The following CCDC74B variants were observed in gnomAD, a reference collection of about 807,000 sequenced individuals.
CCDC74B encodes the protein coiled-coil domain containing 74B, also known as coiled-coil domain-containing protein 74B.
A neutral mutation model predicts 38.0 loss-of-function variants in CCDC74B; 34 were observed. The observed-to-expected ratio is 0.89, with a 90% CI of 0.68 to 1.19. The LOEUF is 1.19. Among genes scored for constraint, CCDC74B ranks in the 50% most tolerant of loss-of-function variants. The pLI, the probability that CCDC74B is intolerant of heterozygous loss-of-function variation, is 0.00. For missense variants in CCDC74B, 358 were observed against 406.0 expected (o/e 0.88, Z 1.02); for synonymous variants, 132 against 170.4 (o/e 0.77, Z 1.76).
Position 130,143,428 on chromosome 2 carries a change from G to A in CCDC74B, c.251-115C>T, listed in dbSNP as rs923577436. The A allele has an allele frequency of 2.0e-5, 27 of 1,341,558 alleles. No individual in the cohort carries two copies. In the African/African-American group the frequency reaches 2.5e-4, roughly 12 times the overall value. The allele number at this position is 1,341,558 out of a possible 1,614,324, so 83.1% of individuals were successfully genotyped here. A position where few individuals can be genotyped will look rare whatever the true frequency, so the allele number is the denominator to read the frequency against. ...GCCCGAAAGTCCTGCCCCCCCACTG[G>A]CTGATTGGGCCCTGCCCCATGGATC... is the stretch of plus-strand genomic sequence containing the variant. On this transcript the variant is annotated intron_variant, in intron 1 of 7. Transcript: ENST00000409943.
rs1262604603 is a variant in CCDC74B, at chr2:130,139,375, A to T, written c.*180T>A. 1.3e-6 allele frequency: 1 copy of T among 770,244 alleles called. No homozygotes were observed. Among genetic ancestry groups the T allele is most frequent in the Non-Finnish European group, 2.0e-6 (1 of 489,674 alleles). The allele number at this position is 770,244 out of a possible 1,614,324, so 47.7% of individuals were successfully genotyped here. On this transcript the variant is annotated 3_prime_UTR_variant, in exon 8 of 8. Coordinates refer to ENST00000409943, the MANE Select transcript of CCDC74B (RefSeq NM_001258307.2). ...CTTTTATGTAAATGCCAAATAGCAA[A>T]ATAACAGCTAGAAAATAAACAGTTT...
chr2:130,142,102 C>G (rs1423531130), intron 3 of CCDC74B, 31 bp downstream of exon 3: 2 of 1,607,454 alleles, frequency 1.2e-6, no homozygotes, highest in Non-Finnish European at 1.7e-6. Context: ...GGCACTCACC[C>G]CTGTGAGCAC....
intron 6 of CCDC74B, 29 bp downstream of exon 6, chr2:130,139,994 G>T (rs1174280444): frequency 6.2e-7 from 1 of 1,600,508 alleles, no homozygotes; most frequent in Non-Finnish European, 8.5e-7. Context: ...GGCCCCCAGG[G>T]ATGGGGCAGG....
intron 1 of CCDC74B, 199 bp downstream of exon 1, chr2:130,144,548 C>A: frequency 6.5e-7 from 1 of 1,550,348 alleles, no homozygotes; most frequent in Non-Finnish European, 8.7e-7. Context: ...CAGACAGGTT[C>A]GGCACTGCCC....
intron 3 of CCDC74B, chr2:130,141,654 G>T: frequency 2.5e-6 from 1 of 395,854 alleles, no homozygotes; most frequent in Non-Finnish European, 4.5e-6. Flanking sequence ...AATGGTGAGG[G>T]TTAGGGCTGG....
intron 1 of CCDC74B, chr2:130,144,232 C>T (rs1387299895): frequency 7.8e-5 from 29 of 372,056 alleles, no homozygotes; most frequent in Non-Finnish European, 9.4e-5. Flanking sequence ...CTCCGCCTCC[C>T]GGGTTCACGC....
At position 130,140,290 on chromosome 2, in the gene CCDC74B, C is replaced by T. The variant is rs145115485; in HGVS notation, c.567G>A (p.Ala189=). The T allele has an allele frequency of 5.0e-5, 80 of 1,613,072 alleles. No homozygotes were observed. Among genetic ancestry groups the T allele is most frequent in the African/African-American group, 2.7e-4 (20 of 75,016 alleles). ...GGGGCAGGATCATTGGGGGGTGTGC[C>T]GCCGCCCCCATCTGCCTGCCCTGGT... ...SQHQGRQMGA[A]AHPPMILPLP... is the part of the protein sequence containing the mutation. Residue 189 remains alanine (A), a synonymous_variant, in exon 5 of 8, where the codon GCG becomes GCA. Coordinates refer to ENST00000409943, the MANE Select transcript of CCDC74B (RefSeq NM_001258307.2).
chr2:130,142,040 G>A, intron 3 of CCDC74B, 93 bp downstream of exon 3: 14 of 1,558,522 alleles, frequency 9.0e-6, no homozygotes, highest in Non-Finnish European at 1.1e-5. Flanking sequence ...TGGCCCAGCA[G>A]AGGGTACCTG....
intron 1 of CCDC74B, among the ~76,000 whole-genome samples, chr2:130,143,790 G>C (rs139241939): frequency 0.03 from 4,578 of 152,088 alleles, 73 homozygotes; most frequent in African/African-American, 0.045. Context: ...TAAGGCAGCA[G>C]CAGGGAACGG....
At chr2:130,144,150 T>G (rs867345504) in intron 1 of CCDC74B, among the ~76,000 whole-genome samples, 19 of 152,020 alleles carry the variant, frequency 1.2e-4, no homozygotes, top group African/African-American at 4.1e-4. Flanking sequence ...TTTGTTTTTG[T>G]TTTTTTTGAG....
intron 1 of CCDC74B, chr2:130,144,329 C>T (rs1375649684): frequency 6.3e-6 from 4 of 632,934 alleles, no homozygotes; most frequent in Non-Finnish European, 1.1e-5. Flanking sequence ...TTAGTAGAGA[C>T]GGGGTTTCAC....
Position 130,139,961 on chromosome 2 carries a change from G to C in CCDC74B, c.753-14C>G. On this transcript the variant is annotated splice_polypyrimidine_tract_variant and intron_variant, in intron 6 of 7. Coordinates refer to ENST00000409943, the MANE Select transcript of CCDC74B (RefSeq NM_001258307.2). ...GCTTCTTGGTCCCTGGGTGAAGGAA[G>C]AGTCAGCAGTGAGCTGTGGATAGGC... is the stretch of plus-strand genomic sequence containing the variant. The C allele has an allele frequency of 6.2e-7, 1 of 1,610,132 alleles. No homozygotes were observed. The highest frequency in any genetic ancestry group is 8.5e-7 in the Non-Finnish European group (1 of 1,178,230).
chr2:130,141,896 T>C (rs931854542), intron 3 of CCDC74B: 15 of 892,840 alleles, frequency 1.7e-5, no homozygotes, highest in Non-Finnish European at 2.5e-5. Flanking sequence ...TGCCCCACCC[T>C]GGGGTGCCTG....
chr2:130,139,470 A>C lies in CCDC74B; in HGVS notation c.*85T>G. 1 of 1,507,936 alleles carries C rather than the reference A, an allele frequency of 6.6e-7. No homozygotes were observed. Among genetic ancestry groups the C allele is most frequent in the Non-Finnish European group, 8.9e-7 (1 of 1,119,064 alleles). 93.4% of individuals were successfully genotyped at this position (1,507,936 alleles called of 1,614,324 possible). A position where few individuals can be genotyped will look rare whatever the true frequency, so the allele number is the denominator to read the frequency against. On this transcript the variant is annotated 3_prime_UTR_variant, in exon 8 of 8. Coordinates refer to ENST00000409943, the MANE Select transcript of CCDC74B (RefSeq NM_001258307.2). The stretch of plus-strand genomic sequence containing the variant: ...ATCTTGGAATTTAGCCAGGCCTAAA[A>C]GTAGCGGAAGTGTCAGGAAATGCTA...
At chr2:130,142,686 C>T (rs371215860) in intron 2 of CCDC74B, 103 of 1,544,576 alleles carry the variant, frequency 6.7e-5, no homozygotes, top group African/African-American at 3.3e-4. Flanking sequence ...CCAAAGATAA[C>T]GGGAAGTGAG....
rs374511863 is a variant in CCDC74B at position 130,139,965 on chromosome 2, C to T, written c.753-18G>A. 16 of 1,609,078 alleles carry T rather than the reference C, an allele frequency of 9.9e-6. No individual in the cohort carries two copies. In the African/African-American group the frequency reaches 1.7e-4, roughly 17 times the overall value. ...CTTGGTCCCTGGGTGAAGGAAGAGT[C>T]AGCAGTGAGCTGTGGATAGGCCCCC... On this transcript the variant is annotated intron_variant, in intron 6 of 7. Transcript: ENST00000409943.
rs539863416 is a variant in CCDC74B, at chr2:130,144,806, T to C, written c.191A>G (p.His64Arg). The C allele has an allele frequency of 6.2e-7, 1 of 1,613,434 alleles. No homozygotes were observed. The highest frequency in any genetic ancestry group is 1.1e-5 in the South Asian group (1 of 91,078). The change falls in exon 1 of 8, where the codon CAC becomes CGC. Residue 64 changes from histidine (H) to arginine (R), a missense_variant. Physicochemically the swap from His to Arg is conservative, Grantham distance 29. Around this residue, in one of 3 missense-constraint regions of CCDC74B, gnomAD observed 128 missense variants for 146.7 expected, o/e 0.87. Coordinates refer to ENST00000409943, the MANE Select transcript of CCDC74B (RefSeq NM_001258307.2). ...ATGGAGCTTGGCCAGCATCTCCGAG[T>C]GCTGCTGCTGCAGGAACTGTAGGCT... is the stretch of plus-strand genomic sequence containing the variant. ...EKSLQFLQQQHSEMLAKLHEE... is the reference protein window; with the variant it reads ...EKSLQFLQQQRSEMLAKLHEE...
At chr2:130,144,376 C>A (rs911057300) in intron 1 of CCDC74B, 4 of 1,004,668 alleles carry the variant, frequency 4.0e-6, no homozygotes, top group Admixed American at 4.1e-5. Flanking sequence ...CCTGACCTCG[C>A]GATCCGCCCG....
In CCDC74B at chr2:130,144,927, G is replaced by C. The variant is rs755389869; in HGVS notation, c.70C>G (p.Arg24Gly). 3.8e-4 allele frequency: 588 copies of C among 1,541,030 alleles called. No homozygotes were observed. Among genetic ancestry groups the C allele is most frequent in the Non-Finnish European group, 4.7e-4 (542 of 1,149,916 alleles). Residue 24 changes from arginine (R) to glycine (G), a missense_variant, in exon 1 of 8, where the codon CGC becomes GGC. Around this residue, in one of 3 missense-constraint regions of CCDC74B, gnomAD observed 128 missense variants for 146.7 expected, o/e 0.87. Transcript: ENST00000409943. ...TGGACGCCCACAGAGGGGCGCTGGC[G>C]CCGGCGCCGAGAGCCCGGGGTCGGC... is the stretch of plus-strand genomic sequence containing the variant. ...SSPTPGSRRR[R>G]QRPSVGVQSL...
Sources: allele counts gnomAD v4.1 joint callset (sites outside exome capture counted in the v4.1 genomes callset), GRCh38; gene constraint gnomAD v4.1.1; regional missense constraint gnomAD v4.1.1; transcripts MANE v1.5; gene names NCBI Gene and HGNC (gene_info 2026-07-23, HGNC 2026-07-21).